The following PHACTR4 variants were observed in gnomAD, a reference collection of about 807,000 sequenced individuals.
PHACTR4 encodes the protein protein phosphatase 1, regulatory subunit 124.
PHACTR4 carries 51 observed loss-of-function variants against 72.7 expected under a neutral mutation model. The ratio of observed to expected loss-of-function variants is 0.70; its 90% CI spans 0.56 to 0.89. PHACTR4 has a LOEUF of 0.89. Among genes scored for constraint, PHACTR4 ranks in the 40% least tolerant of loss-of-function variants. The pLI, the probability that PHACTR4 is intolerant of heterozygous loss-of-function variation, is 0.00. For missense variants in PHACTR4, 731 were observed against 861.8 expected (o/e 0.85, Z 1.90); for synonymous variants, 255 against 302.5 (o/e 0.84, Z 1.63).
intron 9 of PHACTR4, among the ~76,000 whole-genome samples, chr1:28,485,746 A>G (rs1212945422): frequency 6.6e-6 from 1 of 150,636 alleles, no homozygotes; most frequent in Non-Finnish European, 1.5e-5. Flanking sequence ...TAAAAATACA[A>G]AAATTAGCCG....
intron 2 of PHACTR4, among the ~76,000 whole-genome samples, chr1:28,415,653 A>G (rs1402832848): frequency 6.6e-6 from 1 of 152,234 alleles, no homozygotes; most frequent in Non-Finnish European, 1.5e-5. Context: ...TCTTGTATAA[A>G]TATGAACATG....
At chr1:28,460,339 C>G (rs1658707951) in intron 4 of PHACTR4, 47 bp downstream of exon 4, 2 of 1,339,074 alleles carry the variant, frequency 1.5e-6, no homozygotes. Flanking sequence ...TGCACTTGGT[C>G]TTTGATTGGG....
chr1:28,450,963 A>G (rs1004922750), intron 2 of PHACTR4, among the ~76,000 whole-genome samples: 2 of 70,478 alleles, frequency 2.8e-5, no homozygotes, highest in South Asian at 3.0e-4. Flanking sequence ...GGCATGTACC[A>G]CCACACCCAG....
intron 8 of PHACTR4, among the ~76,000 whole-genome samples, chr1:28,480,188 C>T (rs1660192069): frequency 6.6e-6 from 1 of 152,166 alleles, no homozygotes; most frequent in Non-Finnish European, 1.5e-5. Flanking sequence ...TCTCCTGTAG[C>T]AACTCTTACC....
intron 1 of PHACTR4, among the ~76,000 whole-genome samples, chr1:28,393,439 C>T (rs1038913139): frequency 6.6e-6 from 1 of 152,070 alleles, no homozygotes; most frequent in African/African-American, 2.4e-5. Flanking sequence ...TGATGGTGGT[C>T]TTGTAAGGTT....
At chr1:28,380,142 C>T (rs542813867) in intron 1 of PHACTR4, among the ~76,000 whole-genome samples, 113 of 146,288 alleles carry the variant, frequency 7.7e-4, no homozygotes, top group African/African-American at 2.8e-3. Context: ...CTGCAAGCTC[C>T]GCCTCCCAGG....
intron 2 of PHACTR4, among the ~76,000 whole-genome samples, chr1:28,443,798 C>T (rs1383306129): frequency 2.0e-5 from 3 of 152,034 alleles, no homozygotes; most frequent in Non-Finnish European, 4.4e-5. Flanking sequence ...TGTATATATA[C>T]CACATTTTCT....
At chr1:28,485,162 A>G (rs543757106) in intron 9 of PHACTR4, among the ~76,000 whole-genome samples, 2 of 152,292 alleles carry the variant, frequency 1.3e-5, no homozygotes, top group East Asian at 3.8e-4. Flanking sequence ...AGAAGCAGAG[A>G]GTAGAAAGAT....
At chr1:28,397,678 G>A (rs190786405) in intron 1 of PHACTR4, among the ~76,000 whole-genome samples, 2 of 151,284 alleles carry the variant, frequency 1.3e-5, no homozygotes, top group South Asian at 2.1e-4. Flanking sequence ...CTATTATTAG[G>A]GTAATTGAGA....
At chr1:28,426,658 C>T (rs896755236) in intron 2 of PHACTR4, among the ~76,000 whole-genome samples, 42 of 149,570 alleles carry the variant, frequency 2.8e-4, no homozygotes, top group African/African-American at 8.9e-4. Context: ...AGCGAGACTC[C>T]GTCTCAAAAA....
chr1:28,400,677 T>C (rs1653877224), intron 1 of PHACTR4, among the ~76,000 whole-genome samples: 1 of 151,900 alleles, frequency 6.6e-6, no homozygotes, highest in Admixed American at 6.6e-5. Flanking sequence ...CCTCCCAGAT[T>C]GAAGCGATTC....
chr1:28,474,076 G>T lies in PHACTR4; in HGVS notation c.1346G>T (p.Ser449Ile). The T allele has an allele frequency of 6.2e-7, 1 of 1,614,188 alleles. No individual in the cohort carries two copies. Among genetic ancestry groups the T allele is most frequent in the Non-Finnish European group, 8.5e-7 (1 of 1,180,040 alleles). The change falls in exon 7 of 14, where the codon AGT (serine) becomes ATT (isoleucine). Residue 449 changes from serine (S) to isoleucine (I), a missense_variant. This residue lies in a region of PHACTR4 where 621 missense variants were observed against 676.6 expected (regional missense o/e 0.92). Coordinates refer to ENST00000373839, the MANE Select transcript of PHACTR4 (RefSeq NM_001048183.3). ...HRAHSLLFEN[S>I]DSFSEDSSTL... ...GCTCATTCGTTGCTTTTTGAAAACA[G>T]TGACAGCTTTTCTGAGGACAGCAGT...
At position 28,483,818 on chromosome 1, in the gene PHACTR4, AAG is replaced by A. The variant is rs200081945; in HGVS notation, c.1760+3222_1760+3223del. 8.5e-3 allele frequency among the ~76,000 whole-genome samples: 1,247 copies of A among 146,040 alleles called. 54 individuals are homozygous for A. The highest frequency in any genetic ancestry group is 0.012 in the Non-Finnish European group (785 of 67,260). ...CGTCTCAAAAAAAAAAAAAAAAAAA[AAG>A]AGAGAGATAAATCAGCCATAATCCT... On this transcript the variant is annotated intron_variant, in intron 9 of 13. Coordinates refer to ENST00000373839, the MANE Select transcript of PHACTR4 (RefSeq NM_001048183.3).
At chr1:28,464,440 C>T (rs969933750) in intron 4 of PHACTR4, among the ~76,000 whole-genome samples, 3 of 152,174 alleles carry the variant, frequency 2.0e-5, no homozygotes, top group Non-Finnish European at 4.4e-5. Context: ...CAAAGCAAGG[C>T]ATGGTGGTGT....
intron 4 of PHACTR4, among the ~76,000 whole-genome samples, chr1:28,464,770 C>G (rs781457032): frequency 6.6e-6 from 1 of 152,030 alleles, no homozygotes; most frequent in African/African-American, 2.4e-5. Context: ...ATGACACAAT[C>G]TTGGCTTACT....
chr1:28,404,339 G>C (rs1654167579), intron 1 of PHACTR4, among the ~76,000 whole-genome samples: 1 of 143,622 alleles, frequency 7.0e-6, no homozygotes, highest in South Asian at 2.2e-4. Flanking sequence ...CTGGAGTGCA[G>C]TGGCGCGATC....
intron 2 of PHACTR4, among the ~76,000 whole-genome samples, chr1:28,410,644 A>T (rs1335868093): frequency 6.6e-6 from 1 of 152,122 alleles, no homozygotes; most frequent in African/African-American, 2.4e-5. Context: ...TGTGCTTTTG[A>T]TTGTTTACTA....
At chr1:28,392,822 C>G (rs1435161816) in intron 1 of PHACTR4, among the ~76,000 whole-genome samples, 2 of 151,602 alleles carry the variant, frequency 1.3e-5, no homozygotes, top group African/African-American at 4.9e-5. Context: ...TTTATGAACC[C>G]TGCATATTGT....
intron 8 of PHACTR4, among the ~76,000 whole-genome samples, chr1:28,480,190 A>C (rs1660192269): frequency 1.3e-5 from 2 of 152,048 alleles, no homozygotes; most frequent in African/African-American, 4.8e-5. Flanking sequence ...TCCTGTAGCA[A>C]CTCTTACCAA....
Sources: allele counts gnomAD v4.1 joint callset (sites outside exome capture counted in the v4.1 genomes callset), GRCh38; gene constraint gnomAD v4.1.1; regional missense constraint gnomAD v4.1.1; transcripts MANE v1.5; gene names NCBI Gene and HGNC (gene_info 2026-07-23, HGNC 2026-07-21).